NT5DC4: variants seen among roughly 807,000 people sequenced by gnomAD.
The protein encoded by NT5DC4 is 5'-nucleotidase domain containing 4.
In NT5DC4, 44 loss-of-function variants were observed where a neutral mutation model predicts 26.6. The ratio of observed to expected loss-of-function variants is 1.65; its 90% CI spans 1.30 to 2.13. The LOEUF (loss-of-function observed/expected upper bound fraction) is 2.13, where lower values mean the gene tolerates loss of function less well. Ranked by LOEUF, NT5DC4 falls within the 30% of genes most tolerant of loss-of-function variation. NT5DC4 has a pLI of 0.00. For synonymous variants in NT5DC4, 157 were observed against 86.7 expected (o/e 1.81, Z -4.51); for missense variants, 399 against 228.1 (o/e 1.75, Z -4.83).
downstream of NT5DC4, among the ~76,000 whole-genome samples, chr2:112,740,348 GA>G (rs1190910075): frequency 6.6e-6 from 1 of 152,186 alleles, no homozygotes; most frequent in Non-Finnish European, 1.5e-5. Flanking sequence ...TCACATTTTA[GA>G]AAATGACACT....
intron 15 of NT5DC4, among the ~76,000 whole-genome samples, chr2:112,728,807 A>T (rs1678092013): frequency 6.6e-6 from 1 of 152,214 alleles, no homozygotes; most frequent in Admixed American, 6.5e-5. Flanking sequence ...GTGACTTGCC[A>T]TCACACAGCT....
At chr2:112,723,637 C>A (rs1271192547) in intron 8 of NT5DC4, 82 bp from the exon 9 acceptor site, 2 of 679,724 alleles carry the variant, frequency 2.9e-6, no homozygotes, top group Non-Finnish European at 5.4e-6. Flanking sequence ...GGGTGGGCTC[C>A]CAGAAGGCTG....
chr2:112,740,759 T>C, downstream of NT5DC4: 1 of 1,402,502 alleles, frequency 7.1e-7, no homozygotes, highest in Non-Finnish European at 9.9e-7. Flanking sequence ...GAAGGAAAAA[T>C]CGAGACTTGG....
At chr2:112,719,950 CTTTCTT>C (rs1192535450), upstream of NT5DC4, among the ~76,000 whole-genome samples, 5 of 110,860 alleles carry the variant, frequency 4.5e-5, no homozygotes, top group African/African-American at 1.9e-4. Flanking sequence ...TTCTTTCTTT[CTTTCTT>C]TCTTTCTTTC....
At chr2:112,726,146 T>G (rs1677683556) in intron 13 of NT5DC4, 92 bp from the exon 14 acceptor site, 1 of 707,214 alleles carries the variant, frequency 1.4e-6, no homozygotes, top group African/African-American at 1.8e-5. Context: ...GGTGTGCAAG[T>G]CCTCCGCTGG....
At chr2:112,726,938 T>C in intron 15 of NT5DC4, 200 bp downstream of exon 15, 1 of 607,732 alleles carries the variant, frequency 1.6e-6, no homozygotes. Flanking sequence ...GGTACCCTCT[T>C]GAAGGGCTGA....
chr2:112,721,691 C>T lies in NT5DC4; in HGVS notation c.75-127C>T, dbSNP rs996355579. 9.9e-5 allele frequency: 71 copies of T among 714,796 alleles called. No individual in the cohort carries two copies. The East Asian group carries it at 1.8e-3, about 18-fold the overall frequency. 44.3% of individuals were successfully genotyped at this position (714,796 alleles called of 1,614,324 possible). ...CCCTGGCTTGGCCTGACCTGCTTCC[C>T]CTGTGCTTTCTGCAGCTGCAGGGGG... On this transcript the variant is annotated intron_variant, in intron 1 of 16. Coordinates refer to ENST00000688554, the MANE Select transcript of NT5DC4 (RefSeq NM_001393655.1).
At chr2:112,730,034 C>T (rs2104774805) in intron 16 of NT5DC4, among the ~76,000 whole-genome samples, 1 of 152,110 alleles carries the variant, frequency 6.6e-6, no homozygotes, top group East Asian at 1.9e-4. Flanking sequence ...ATATTGGAGC[C>T]AGGTGTGGTG....
Position 112,726,278 on chromosome 2 carries a change from A to C in NT5DC4, c.1194A>C (p.Ala398=). The change falls in exon 14 of 17, where the codon GCA becomes GCC. Residue 398 remains alanine (A), a synonymous_variant. Transcript: ENST00000688554. ...TGAAGAGACTGGACACGCACCTGGCAGACATATACCAGTGAGACCCTGGCC... is the reference window on the plus strand; with the variant it reads ...TGAAGAGACTGGACACGCACCTGGCCGACATATACCAGTGAGACCCTGGCC... ...EELKRLDTHL[A]DIYQHMDGSS... is the part of the protein sequence containing the mutation. The C allele has an allele frequency of 1.4e-6, 1 of 717,196 alleles. No individual in the cohort carries two copies. Among genetic ancestry groups the C allele is most frequent in the Non-Finnish European group, 2.6e-6 (1 of 384,974 alleles). 44.4% of individuals were successfully genotyped at this position (717,196 alleles called of 1,614,324 possible). A position where few individuals can be genotyped will look rare whatever the true frequency, so the allele number is the denominator to read the frequency against.
At chr2:112,734,169 A>ATATATATGTGTG (rs150412692) in intron 16 of NT5DC4, among the ~76,000 whole-genome samples, 10 of 134,786 alleles carry the variant, frequency 7.4e-5, no homozygotes, top group African/African-American at 5.7e-5. Flanking sequence ...TATTATATAT[A>ATATATATGTGTG]TGTGTGTGTG....
At chr2:112,723,202 C>T in intron 7 of NT5DC4, 28 bp downstream of exon 7, 1 of 717,252 alleles carries the variant, frequency 1.4e-6, no homozygotes, top group Non-Finnish European at 2.6e-6. Flanking sequence ...AACCCCCGGA[C>T]CCCTGACCTG....
downstream of NT5DC4, chr2:112,742,501 C>T: frequency 2.8e-6 from 2 of 718,628 alleles, no homozygotes; most frequent in Non-Finnish European, 5.2e-6. Flanking sequence ...GTGGAAACAA[C>T]CTTTGTTCAG....
At chr2:112,721,517 C>G (rs191214071) in intron 1 of NT5DC4, 2 of 717,830 alleles carry the variant, frequency 2.8e-6, no homozygotes, top group East Asian at 2.7e-5. Flanking sequence ...TACTTTCTTA[C>G]AGGGTTGGAT....
At chr2:112,719,932 T>TTCTTTCTTTC (rs1558714866), upstream of NT5DC4, among the ~76,000 whole-genome samples, 26 of 48,828 alleles carry the variant, frequency 5.3e-4, no homozygotes, top group South Asian at 2.0e-3. Context: ...TTCTCTTTCT[T>TTCTTTCTTTC]TCTTTCTTTC....
intron 15 of NT5DC4, among the ~76,000 whole-genome samples, chr2:112,729,379 C>T (rs1024842359): frequency 7.2e-5 from 11 of 152,242 alleles, no homozygotes; most frequent in Non-Finnish European, 1.2e-4. Flanking sequence ...GCCTCGGCCT[C>T]CCAAAGTGCT....
rs1382167073 is a variant in NT5DC4 at position 112,729,648 on chromosome 2, G to C, written c.1288G>C (p.Glu430Gln). The change falls in exon 16 of 17, where the codon GAG becomes CAG. Residue 430 changes from glutamate (E) to glutamine (Q), a missense_variant. By Grantham distance (29) the Glu-to-Gln change is conservative. Transcript: ENST00000688554. ...EIQMPHESVVEQEQANLDPAS... is the reference protein window; with the variant it reads ...EIQMPHESVVQQEQANLDPAS... ...ACAGATGCCACATGAGTCAGTTGTG[G>C]AGCAAGAACAGGCCAATCTAGACCC... The C allele has an allele frequency of 1.4e-6, 1 of 717,956 alleles. No homozygotes were observed. Among genetic ancestry groups the C allele is most frequent in the East Asian group, 2.7e-5 (1 of 37,292 alleles). 44.5% of individuals were successfully genotyped at this position (717,956 alleles called of 1,614,324 possible).
intron 10 of NT5DC4, chr2:112,724,401 A>G: frequency 1.7e-6 from 1 of 584,318 alleles, no homozygotes; most frequent in South Asian, 2.0e-5. Context: ...AGGGCATGGC[A>G]GGTCAAAGGG....
chr2:112,725,665 T>C (rs915716048), intron 13 of NT5DC4, 113 bp downstream of exon 13: 21 of 563,080 alleles, frequency 3.7e-5, no homozygotes, highest in Non-Finnish European at 6.4e-5. Flanking sequence ...CCAGGAATCC[T>C]GGCCACTCTG....
intron 16 of NT5DC4, among the ~76,000 whole-genome samples, chr2:112,733,495 T>G (rs1218812877): frequency 6.6e-6 from 1 of 152,176 alleles, no homozygotes; most frequent in Non-Finnish European, 1.5e-5. Context: ...GAAGTAATGG[T>G]CCAACTTCCA....
Sources: allele counts gnomAD v4.1 joint callset (sites outside exome capture counted in the v4.1 genomes callset), GRCh38; gene constraint gnomAD v4.1.1; transcripts MANE v1.5; gene names NCBI Gene and HGNC (gene_info 2026-07-23, HGNC 2026-07-21).